The following USP34 variants were observed in gnomAD, a reference collection of about 807,000 sequenced individuals.
USP34 encodes the protein ubiquitin specific peptidase 34.
USP34 carries 70 observed loss-of-function variants against 460.3 expected under a neutral mutation model. The ratio of observed to expected loss-of-function variants is 0.15; its 90% CI spans 0.13 to 0.19. The LOEUF (loss-of-function observed/expected upper bound fraction) is 0.19. Among genes scored for constraint, USP34 ranks in the 10% least tolerant of loss-of-function variants. USP34 has a pLI of 1.00. For synonymous variants in USP34, 1,647 were observed against 1,405.3 expected (o/e 1.17, Z -3.85); for missense variants, 3,985 against 4,236.2 (o/e 0.94, Z 1.65).
chr2:61,329,451 T>C (rs1232683353), intron 20 of USP34, among the ~76,000 whole-genome samples: 1 of 152,162 alleles, frequency 6.6e-6, no homozygotes, highest in Non-Finnish European at 1.5e-5. Context: ...AATTTTAATA[T>C]AATTTTAAAA....
chr2:61,203,124 C>T lies in USP34; in HGVS notation c.9508+16G>A, dbSNP rs1305740658. The T allele has an allele frequency of 1.3e-6, 2 of 1,539,866 alleles. No individual in the cohort carries two copies. Among genetic ancestry groups the T allele is most frequent in the South Asian group, 2.6e-5 (2 of 76,400 alleles). On this transcript the variant is annotated intron_variant, in intron 75 of 79. Coordinates refer to ENST00000398571, the MANE Select transcript of USP34 (RefSeq NM_014709.4). ...AAATAATTCAGTGGAATTTACTGCT[C>T]ATCTTTTATACTTACTCAGCTTAAC...
At chr2:61,437,388 T>C (rs1446517567) in intron 1 of USP34, among the ~76,000 whole-genome samples, 1 of 152,198 alleles carries the variant, frequency 6.6e-6, no homozygotes, top group Non-Finnish European at 1.5e-5. Context: ...CATTAGAGAC[T>C]GCTGACCAAC....
chr2:61,383,306 T>A lies in USP34; in HGVS notation c.784A>T (p.Met262Leu). 1 of 1,605,792 alleles carries A rather than the reference T, an allele frequency of 6.2e-7. No individual in the cohort carries two copies. The highest frequency in any genetic ancestry group is 8.5e-7 in the Non-Finnish European group (1 of 1,175,218). The change falls in exon 6 of 80, where the codon ATG becomes TTG. Residue 262 changes from methionine to leucine, a missense_variant. Physicochemically the swap from Met to Leu is conservative, Grantham distance 15 (BLOSUM62 2). This residue lies in a region of USP34 where 70 missense variants were observed against 109.5 expected (regional missense o/e 0.64). Coordinates refer to ENST00000398571, the MANE Select transcript of USP34 (RefSeq NM_014709.4). The stretch of plus-strand genomic sequence containing the variant: ...GTCCTAAAAGGTATAATGTGCTGCA[T>A]GACAGCGGGAATATGTAGCCATATT... ...IRIWLHIPAV[M>L]QHIIPFRTYV... is the part of the protein sequence containing the mutation.
At chr2:61,268,256 A>G (rs540082792) in intron 41 of USP34, among the ~76,000 whole-genome samples, 5 of 152,028 alleles carry the variant, frequency 3.3e-5, no homozygotes, top group African/African-American at 4.8e-5. Context: ...TGGGCCGGGT[A>G]CAATGGCTCA....
intron 18 of USP34, among the ~76,000 whole-genome samples, chr2:61,338,655 C>A (rs1371653174): frequency 3.9e-5 from 6 of 151,958 alleles, no homozygotes; most frequent in Non-Finnish European, 7.4e-5. Flanking sequence ...ACTATCAAAG[C>A]AGTATAGGTC....
chr2:61,329,257 C>T (rs1691188598), intron 20 of USP34, among the ~76,000 whole-genome samples: 1 of 152,034 alleles, frequency 6.6e-6, no homozygotes, highest in South Asian at 2.1e-4. Context: ...AACTCCCAAC[C>T]TCAGGTGATC....
chr2:61,360,872 G>C (rs1692255329), intron 10 of USP34, among the ~76,000 whole-genome samples: 1 of 152,194 alleles, frequency 6.6e-6, no homozygotes, highest in Non-Finnish European at 1.5e-5. Context: ...GCTCAGGCTA[G>C]TCTCGAACTT....
chr2:61,361,030 C>T (rs1244341925), intron 10 of USP34, among the ~76,000 whole-genome samples: 4 of 152,050 alleles, frequency 2.6e-5, no homozygotes, highest in Non-Finnish European at 5.9e-5. Flanking sequence ...CAAAAGGCCC[C>T]AAATAGCAAA....
chr2:61,281,273 G>A, intron 37 of USP34, 31 bp from the exon 38 acceptor site: 2 of 1,600,148 alleles, frequency 1.2e-6, no homozygotes, highest in Middle Eastern at 1.7e-4. Flanking sequence ...CACAAACAGT[G>A]AGAGTTAGTA....
intron 49 of USP34, among the ~76,000 whole-genome samples, chr2:61,247,405 G>A (rs1394475713): frequency 3.3e-5 from 5 of 152,194 alleles, no homozygotes; most frequent in Non-Finnish European, 5.9e-5. Context: ...GGATCTGACT[G>A]CATCACTTGT....
intron 41 of USP34, among the ~76,000 whole-genome samples, chr2:61,276,859 A>C (rs1186279538): frequency 6.6e-6 from 1 of 152,198 alleles, no homozygotes; most frequent in Non-Finnish European, 1.5e-5. Context: ...GATCTCAAGA[A>C]TCCTTTAGTC....
intron 43 of USP34, among the ~76,000 whole-genome samples, chr2:61,263,736 C>T (rs1354272392): frequency 1.3e-5 from 2 of 152,140 alleles, no homozygotes; most frequent in Non-Finnish European, 2.9e-5. Flanking sequence ...CCGACCTCTG[C>T]CTCCCAAAGT....
At chr2:61,387,813 A>G (rs1693207363) in intron 5 of USP34, among the ~76,000 whole-genome samples, 2 of 149,552 alleles carry the variant, frequency 1.3e-5, no homozygotes, top group South Asian at 4.2e-4. Flanking sequence ...TTTTACGTAT[A>G]CACACATGTA....
At chr2:61,310,028 T>C (rs1397007620) in intron 27 of USP34, among the ~76,000 whole-genome samples, 1 of 152,110 alleles carries the variant, frequency 6.6e-6, no homozygotes, top group Non-Finnish European at 1.5e-5. Context: ...GGTAAGACTA[T>C]AAAGAACACT....
rs750322694 is a variant in USP34 at position 61,214,478 on chromosome 2, T to C, written c.8264A>G (p.Tyr2755Cys). 5 of 1,613,956 alleles carry C rather than the reference T, an allele frequency of 3.1e-6. No homozygotes were observed. The highest frequency in any genetic ancestry group is 2.2e-5 in the East Asian group (1 of 44,896). Residue 2755 changes from tyrosine (Y) to cysteine (C), a missense_variant, in exon 68 of 80, where the codon TAT becomes TGT. Coordinates refer to ENST00000398571, the MANE Select transcript of USP34 (RefSeq NM_014709.4). ...TAAACAGTAAGTCATAAAGCTAAAA[T>C]AGGGCACTAGCTTTGTAGTGCCATG... is the stretch of plus-strand genomic sequence containing the variant. ...AVHGTTKLVP[Y>C]FSFMTYCLIS...
rs773294663 is a variant in USP34 at position 61,420,771 on chromosome 2, T to C, written c.106A>G (p.Thr36Ala). 1 of 1,610,776 alleles carries C rather than the reference T, an allele frequency of 6.2e-7. No individual in the cohort carries two copies. Among genetic ancestry groups the C allele is most frequent in the Non-Finnish European group, 8.5e-7 (1 of 1,178,324 alleles). ...CTCTGTGTCCAGGAATTGATATAAG[T>C]AAATATTTTGAGAGTATGTTCCTTT... ...LRKEHTLKIFTYINSWTQRQC... is the reference protein window; with the variant it reads ...LRKEHTLKIFAYINSWTQRQC... Residue 36 changes from threonine (T) to alanine (A), a missense_variant, in exon 2 of 80, where the codon ACT becomes GCT. Physicochemically the swap from Thr to Ala is moderately conservative, Grantham distance 58 (BLOSUM62 0). Transcript: ENST00000398571.
intron 1 of USP34, among the ~76,000 whole-genome samples, chr2:61,459,903 T>TA (rs1455999034): frequency 6.6e-6 from 1 of 151,740 alleles, no homozygotes; most frequent in Non-Finnish European, 1.5e-5. Context: ...CTACTAAAAA[T>TA]ACAAAAAAAT....
In USP34 at chr2:61,241,575, C is replaced by T. The variant is rs756433334; in HGVS notation, c.6762G>A (p.Ser2254=). Residue 2254 remains serine (S), a synonymous_variant, in exon 53 of 80, where the codon TCG becomes TCA. Transcript: ENST00000398571. The part of the protein sequence containing the change: ...ENGREYKFDV[S]SELLEWIWHD... Reference sequence around the variant, plus strand: ...TAACTTATACCTCTAGTAACTCTGACGAAACATCAAATTTGTATTCTCTGC... The same window carrying T: ...TAACTTATACCTCTAGTAACTCTGATGAAACATCAAATTTGTATTCTCTGC... 1.5e-5 allele frequency: 24 copies of T among 1,607,418 alleles called. No individual in the cohort carries two copies. The highest frequency in any genetic ancestry group is 6.9e-5 in the Admixed American group (4 of 58,262).
At chr2:61,211,053 T>C (rs1230988847) in intron 69 of USP34, among the ~76,000 whole-genome samples, 3 of 152,170 alleles carry the variant, frequency 2.0e-5, no homozygotes, top group Non-Finnish European at 2.9e-5. Flanking sequence ...GCGTAGTTAA[T>C]TTCCCTGTTT....
Sources: gnomAD v4.1 joint callset for allele counts (sites outside exome capture counted in the v4.1 genomes callset) on GRCh38, gnomAD v4.1.1 for gene constraint, gnomAD v4.1.1 regional missense constraint, MANE v1.5 for transcripts, NCBI Gene and HGNC (gene_info 2026-07-23, HGNC 2026-07-21) for gene names.